The following ANO2 variants were observed in gnomAD, a reference collection of about 807,000 sequenced individuals.
The protein encoded by ANO2 is anoctamin 2.
Under a neutral mutation model 124.2 loss-of-function variants are expected in ANO2, and 101 were observed. The observed-to-expected ratio is 0.81, with a 90% CI of 0.69 to 0.96. The LOEUF is 0.96. ANO2 is among the 40% of genes least tolerant of loss of function. The pLI, the probability that ANO2 is intolerant of heterozygous loss-of-function variation, is 0.00. For synonymous variants in ANO2, 486 were observed against 482.5 expected, an observed-to-expected ratio of 1.01 and a Z score of -0.09; for missense variants, 1,293 against 1,274.5, an observed-to-expected ratio of 1.01 and a Z score of -0.22.
intron 4 of ANO2, 53 bp from the exon 5 acceptor site, chr12:5,832,656 G>A: frequency 6.5e-7 from 1 of 1,536,930 alleles, no homozygotes; most frequent in Non-Finnish European, 8.8e-7. Flanking sequence ...CAGCAGAGAG[G>A]AATGGCTTCA....
chr12:5,608,954 A>C (rs1450361977), intron 19 of ANO2: 1 of 152,252 alleles, frequency 6.6e-6, no homozygotes. Flanking sequence ...ATAACAATGT[A>C]CTGGGAAGGC....
intron 10 of ANO2, among the ~76,000 whole-genome samples, chr12:5,756,939 G>A (rs1403602498): frequency 6.6e-6 from 1 of 152,250 alleles, no homozygotes; most frequent in East Asian, 1.9e-4. Context: ...TTCCTGTAGG[G>A]TCTGTATATG....
chr12:5,578,122 C>A, intron 21 of ANO2, 115 bp from the exon 22 acceptor site: 1 of 1,351,164 alleles, frequency 7.4e-7, no homozygotes, highest in Non-Finnish European at 1.0e-6. Context: ...TTGCTGGGCC[C>A]CCCCAGAATG....
intron 14 of ANO2, among the ~76,000 whole-genome samples, chr12:5,688,066 C>T (rs961266439): frequency 4.5e-4 from 69 of 152,370 alleles, no homozygotes; most frequent in African/African-American, 1.6e-3. Flanking sequence ...CCCACGCTCT[C>T]TTCTTCTTAC....
chr12:5,735,275 C>T (rs1383589076), intron 13 of ANO2, among the ~76,000 whole-genome samples: 3 of 152,168 alleles, frequency 2.0e-5, no homozygotes, highest in Non-Finnish European at 4.4e-5. Flanking sequence ...CATCACCCCT[C>T]CCATCGAGAC....
At chr12:5,683,297 G>GA (rs1446963125) in intron 14 of ANO2, among the ~76,000 whole-genome samples, 4 of 152,166 alleles carry the variant, frequency 2.6e-5, no homozygotes, top group Non-Finnish European at 4.4e-5. Context: ...ACAGGAAAAA[G>GA]ATTGACGTGT....
intron 14 of ANO2, among the ~76,000 whole-genome samples, chr12:5,670,424 A>G (rs992813702): frequency 1.3e-5 from 2 of 152,224 alleles, no homozygotes; most frequent in African/African-American, 4.8e-5. Flanking sequence ...TAGAGATGAC[A>G]CAAAACTGGG....
chr12:5,945,075 C>T (rs1943044008), intron 1 of ANO2, 121 bp downstream of exon 1: 4 of 929,160 alleles, frequency 4.3e-6, no homozygotes, highest in African/African-American at 3.5e-5. Context: ...CCGCACCACC[C>T]TGCCCAGGCT....
At chr12:5,887,839 C>CTT (rs1262320751) in intron 3 of ANO2, among the ~76,000 whole-genome samples, 1 of 138,390 alleles carries the variant, frequency 7.2e-6, no homozygotes, top group South Asian at 2.5e-4. Flanking sequence ...TTTTTTTTTT[C>CTT]TTTTTTTTTT....
At chr12:5,855,049 T>C (rs1209157246) in intron 3 of ANO2, among the ~76,000 whole-genome samples, 1 of 152,052 alleles carries the variant, frequency 6.6e-6, no homozygotes, top group East Asian at 1.9e-4. Flanking sequence ...TAGGAAAAAC[T>C]GGCAGAAGTC....
In ANO2 at chr12:5,707,842, A is replaced by T. The variant is rs184655968; in HGVS notation, c.1545+24678T>A. Reference sequence around the variant, plus strand: ...GTCTTGTGTTCATTTTTTCTAAATGATATGTTCTAAACAATATTTGTTGAC... The same window carrying T: ...GTCTTGTGTTCATTTTTTCTAAATGTTATGTTCTAAACAATATTTGTTGAC... On this transcript the variant is annotated intron_variant, in intron 14 of 24. Transcript: ENST00000682330. Among the ~76,000 whole-genome samples, 12 of 152,312 alleles carry T rather than the reference A, an allele frequency of 7.9e-5. No individual in the cohort carries two copies. The East Asian group carries it at 2.1e-3, about 27-fold the overall frequency.
intron 3 of ANO2, among the ~76,000 whole-genome samples, chr12:5,863,600 G>A (rs986886127): frequency 1.3e-5 from 2 of 152,154 alleles, no homozygotes; most frequent in African/African-American, 2.4e-5. Flanking sequence ...ATGTTTGGGG[G>A]TGGTAGATAT....
At position 5,908,454 on chromosome 12, in the gene ANO2, G is replaced by T. The variant is rs1940838484; in HGVS notation, c.534+12586C>A. Among the ~76,000 whole-genome samples, 1 of 152,326 alleles carries T rather than the reference G, an allele frequency of 6.6e-6. No homozygotes were observed. Among genetic ancestry groups the T allele is most frequent in the East Asian group, 1.9e-4 (1 of 5,172 alleles). ...CCAGCAGTCACCCTATCCAAGCCGA[G>T]AGTCCGACTGCCCAGGGTGCTGGGC... On this transcript the variant is annotated intron_variant, in intron 3 of 24. Transcript: ENST00000682330. The surrounding 1 kb of genome is among the most constrained non-coding windows in gnomAD (Gnocchi z 4.7).
At chr12:5,641,224 G>C (rs1413001619) in intron 15 of ANO2, among the ~76,000 whole-genome samples, 1 of 151,748 alleles carries the variant, frequency 6.6e-6, no homozygotes, top group South Asian at 2.1e-4. Flanking sequence ...GGGCCTGTCA[G>C]GGGGTGGGGG....
In ANO2 at chr12:5,636,648, ACG is replaced by A. The variant is rs1491181902; in HGVS notation, c.1621-1303_1621-1302del. ...CACACACACACACACACACACACAC[ACG>A]CATGCACAGGGAGGGAGGCAGGAAG... On this transcript the variant is annotated intron_variant, in intron 15 of 24. Coordinates refer to ENST00000682330, the MANE Select transcript of ANO2 (RefSeq NM_001364791.2). The surrounding 1 kb of genome is among the most constrained non-coding windows in gnomAD (Gnocchi z 4.6). Among the ~76,000 whole-genome samples, 1 of 140,608 alleles carries A rather than the reference ACG, an allele frequency of 7.1e-6. No homozygotes were observed. The highest frequency in any genetic ancestry group is 1.5e-5 in the Non-Finnish European group (1 of 64,602). The allele number at this position is 140,608 out of a possible 152,430, so 92.2% of individuals were successfully genotyped here.
At chr12:5,717,630 G>A (rs186873198) in intron 14 of ANO2, among the ~76,000 whole-genome samples, 20 of 152,296 alleles carry the variant, frequency 1.3e-4, no homozygotes, top group African/African-American at 4.6e-4. Context: ...CACCTCCACT[G>A]ACCCTATTTT....
chr12:5,691,345 A>G (rs766396808), intron 14 of ANO2, among the ~76,000 whole-genome samples: 3 of 75,528 alleles, frequency 4.0e-5, no homozygotes, highest in Admixed American at 1.6e-4. Context: ...AAAAAAAAAA[A>G]AAGAAGAAGA....
At chr12:5,941,036 A>G (rs1942873867) in intron 1 of ANO2, among the ~76,000 whole-genome samples, 2 of 152,370 alleles carry the variant, frequency 1.3e-5, no homozygotes, top group Admixed American at 1.3e-4. Flanking sequence ...ATTTACATAA[A>G]ATGTGTAGAA....
chr12:5,706,155 A>G (rs1232049597), intron 14 of ANO2, among the ~76,000 whole-genome samples: 1 of 152,230 alleles, frequency 6.6e-6, no homozygotes, highest in African/African-American at 2.4e-5. Flanking sequence ...TTCACAAAGC[A>G]ATTTCATGCA....
Sources: allele counts gnomAD v4.1 joint callset (sites outside exome capture counted in the v4.1 genomes callset), GRCh38; gene constraint gnomAD v4.1.1; non-coding constraint Gnocchi (gnomAD v3.1); transcripts MANE v1.5; gene names NCBI Gene and HGNC (gene_info 2026-07-23, HGNC 2026-07-21).